The following CDH13 variants were observed in gnomAD, a reference collection of about 807,000 sequenced individuals.
CDH13 encodes cadherin 13, also known as cadherin-13.
Under a neutral mutation model 63.8 loss-of-function variants are expected in CDH13, and 24 were observed. The observed-to-expected ratio is 0.38, with a 90% confidence interval of 0.27 to 0.53. CDH13 has a LOEUF of 0.53. Ranked by LOEUF, CDH13 falls within the 20% of genes least tolerant of loss-of-function variation. The probability of loss-of-function intolerance (pLI) is 0.85; values close to 1 mark genes in which losing one functional copy is unlikely to be tolerated. For synonymous variants in CDH13, 503 were observed against 355.3 expected, an observed-to-expected ratio of 1.42 and a Z score of -4.67; for missense variants, 1,049 against 903.1, an observed-to-expected ratio of 1.16 and a Z score of -2.07.
At position 82,934,313 on chromosome 16, in the gene CDH13, C is replaced by G. The variant is rs538795369; in HGVS notation, c.157+75840C>G. On this transcript the variant is annotated intron_variant, in intron 2 of 13. Transcript: ENST00000567109. ...GGCTTGCACCCTCTGAAGCCACAGT[C>G]TGAGCTGTACCTTGGCCCCTTTTAT... Among the ~76,000 whole-genome samples, 44 of 152,348 alleles carry G rather than the reference C, an allele frequency of 2.9e-4. 1 individual carries two copies. The highest frequency in any genetic ancestry group is 9.9e-4 in the African/African-American group (41 of 41,584).
rs1453009460 is a variant in CDH13, at chr16:83,428,342, C to T, written c.782-58135C>T. Among the ~76,000 whole-genome samples, 9 of 150,800 alleles carry T rather than the reference C, an allele frequency of 6.0e-5. No homozygotes were observed. The Admixed American group carries it at 6.0e-4, about 10-fold the overall frequency. ...AAAACATTGGAAACATACTACAAGT[C>T]CCTAATTAGTTTGACCTCCATGGTT... On this transcript the variant is annotated intron_variant, in intron 6 of 13. Coordinates refer to ENST00000567109, the MANE Select transcript of CDH13 (RefSeq NM_001257.5).
chr16:83,352,105 C>T (rs942391982), intron 6 of CDH13, among the ~76,000 whole-genome samples: 4 of 152,200 alleles, frequency 2.6e-5, no homozygotes, highest in African/African-American at 4.8e-5. Context: ...GCATCATTAA[C>T]ATGCTGCAGA....
At chr16:82,885,413 C>G (rs1193694931) in intron 2 of CDH13, among the ~76,000 whole-genome samples, 1 of 151,234 alleles carries the variant, frequency 6.6e-6, no homozygotes, top group Non-Finnish European at 1.5e-5. Context: ...CATCCACCCA[C>G]CCATCTATAT....
At chr16:83,397,324 G>A (rs1240526703) in intron 6 of CDH13, 1 of 152,120 alleles carries the variant, frequency 6.6e-6, no homozygotes, top group South Asian at 2.1e-4. Context: ...TTCCAGCTAT[G>A]GAAGCCAAGG....
At chr16:83,304,506 C>CTAAG (rs1254446317) in intron 5 of CDH13, among the ~76,000 whole-genome samples, 2 of 152,074 alleles carry the variant, frequency 1.3e-5, no homozygotes, top group Non-Finnish European at 2.9e-5. Flanking sequence ...AAATCAGAAT[C>CTAAG]TAAGAGCTGG....
At chr16:83,662,211 C>G (rs1913503028) in intron 8 of CDH13, among the ~76,000 whole-genome samples, 1 of 152,170 alleles carries the variant, frequency 6.6e-6, no homozygotes, top group African/African-American at 2.4e-5. Flanking sequence ...TCGAGTTTTG[C>G]ATTTTCTCAC....
intron 8 of CDH13, among the ~76,000 whole-genome samples, chr16:83,607,113 A>T (rs149942580): frequency 6.6e-6 from 1 of 152,088 alleles, no homozygotes; most frequent in African/African-American, 2.4e-5. Context: ...TTTAAAAGTA[A>T]ATTCTTATTG....
chr16:82,690,742 G>A (rs1304339950), intron 1 of CDH13, among the ~76,000 whole-genome samples: 4 of 152,214 alleles, frequency 2.6e-5, no homozygotes, highest in African/African-American at 9.6e-5. Context: ...ATATCCTTAT[G>A]CATGTGTGCA....
At chr16:83,050,249 A>T (rs1003257782) in intron 3 of CDH13, among the ~76,000 whole-genome samples, 2 of 152,132 alleles carry the variant, frequency 1.3e-5, no homozygotes, top group African/African-American at 4.8e-5. Flanking sequence ...TAGGAGTGGA[A>T]TTGCTGGCTC....
chr16:83,441,247 C>G (rs1476337131), intron 6 of CDH13, among the ~76,000 whole-genome samples: 2 of 152,136 alleles, frequency 1.3e-5, no homozygotes, highest in African/African-American at 4.8e-5. Flanking sequence ...TTGTTCAATA[C>G]TTTGAGTACC....
chr16:82,631,405 C>A (rs912317561), intron 1 of CDH13, among the ~76,000 whole-genome samples: 15 of 152,222 alleles, frequency 9.9e-5, no homozygotes, highest in Non-Finnish European at 2.9e-5. Context: ...TAGGTCCACT[C>A]ACTTTCCATC....
chr16:82,959,982 A>G (rs1034224785), intron 2 of CDH13, among the ~76,000 whole-genome samples: 3 of 152,240 alleles, frequency 2.0e-5, no homozygotes, highest in Admixed American at 1.3e-4. Flanking sequence ...TTAAAAAAAC[A>G]TTGCTAAACT....
At chr16:82,885,388 A>G (rs2040847964) in intron 2 of CDH13, among the ~76,000 whole-genome samples, 1 of 151,858 alleles carries the variant, frequency 6.6e-6, no homozygotes, top group South Asian at 2.1e-4. Flanking sequence ...CCACCTATCC[A>G]TTCTTGTAGC....
At chr16:82,956,019 C>G (rs1275344761) in intron 2 of CDH13, among the ~76,000 whole-genome samples, 1 of 152,056 alleles carries the variant, frequency 6.6e-6, no homozygotes, top group Admixed American at 6.6e-5. Flanking sequence ...CTTGGATGTC[C>G]CATAGTTCAT....
intron 5 of CDH13, among the ~76,000 whole-genome samples, chr16:83,290,045 T>A (rs921640931): frequency 2.0e-5 from 3 of 152,166 alleles, no homozygotes; most frequent in Admixed American, 1.3e-4. Context: ...ATTGGCCTGT[T>A]TGGGGACTTT....
chr16:82,919,321 G>GT (rs1169276048), intron 2 of CDH13, among the ~76,000 whole-genome samples: 1 of 152,126 alleles, frequency 6.6e-6, no homozygotes, highest in Non-Finnish European at 1.5e-5. Context: ...ACTAAGCCTA[G>GT]TATCCAATAG....
chr16:83,281,907 C>T lies in CDH13; in HGVS notation c.637-62955C>T, dbSNP rs184759968. Among the ~76,000 whole-genome samples, 608 of 152,134 alleles carry T rather than the reference C, an allele frequency of 4.0e-3. 5 individuals carry two copies. Among genetic ancestry groups the T allele is most frequent in the African/African-American group, 0.013 (549 of 41,510 alleles). ...TAACCTCGGCAACAGAGCGGGACTCCGTTTCTAAATAAATAAATAAATAAA... is the reference window on the plus strand; with the variant it reads ...TAACCTCGGCAACAGAGCGGGACTCTGTTTCTAAATAAATAAATAAATAAA... On this transcript the variant is annotated intron_variant, in intron 5 of 13. Transcript: ENST00000567109.
At chr16:83,532,922 G>C (rs4782813) in intron 7 of CDH13, among the ~76,000 whole-genome samples, 59,637 of 152,140 alleles carry the variant, frequency 0.39, 13,201 homozygotes, top group Non-Finnish European at 0.49. Context: ...TCTGAGCAGC[G>C]TGGCTTGTTA....
intron 1 of CDH13, among the ~76,000 whole-genome samples, chr16:82,680,074 C>G (rs1424023263): frequency 1.3e-5 from 2 of 152,150 alleles, no homozygotes; most frequent in East Asian, 3.9e-4. Context: ...TCTCATCCCT[C>G]CACTGGGGAA....
Sources: allele counts gnomAD v4.1 joint callset (sites outside exome capture counted in the v4.1 genomes callset), GRCh38; gene constraint gnomAD v4.1.1; transcripts MANE v1.5; gene names NCBI Gene and HGNC (gene_info 2026-07-23, HGNC 2026-07-21).